TMEM269: variants seen among roughly 807,000 people sequenced by gnomAD.
TMEM269 encodes transmembrane protein 269.
A neutral mutation model predicts 15.8 loss-of-function variants in TMEM269; 12 were observed. The observed-to-expected ratio is 0.76, with a 90% CI of 0.49 to 1.23. The LOEUF (loss-of-function observed/expected upper bound fraction) is 1.23. Among genes scored for constraint, TMEM269 ranks in the 50% most tolerant of loss-of-function variants. The probability of loss-of-function intolerance (pLI) is 0.00; values close to 1 mark genes in which losing one functional copy is unlikely to be tolerated. For synonymous variants in TMEM269, 93 were observed against 99.3 expected (o/e 0.94, Z 0.38); for missense variants, 211 against 245.4 (o/e 0.86, Z 0.94).
chr1:42,794,372 A>G (rs1653753991), intron 4 of TMEM269, 41 bp from the exon 5 acceptor site: 1 of 1,473,570 alleles, frequency 6.8e-7, no homozygotes, highest in African/African-American at 1.4e-5. Flanking sequence ...GTATCTTTAG[A>G]GCAGAGGGAA....
At position 42,797,930 on chromosome 1, in the gene TMEM269, C is replaced by G; in HGVS notation, c.485-168C>G. 1 of 748,148 alleles carries G rather than the reference C, an allele frequency of 1.3e-6. No individual in the cohort carries two copies. The allele number at this position is 748,148 out of a possible 1,614,324, so 46.3% of individuals were successfully genotyped here. A position where few individuals can be genotyped will look rare whatever the true frequency, so the allele number is the denominator to read the frequency against. ...TATACTTCTCTAGTTACTTACCTAT[C>G]TCTATTAAACTGAACTTGAAGACAG... On this transcript the variant is annotated intron_variant, in intron 5 of 5. Coordinates refer to ENST00000637012, the MANE Select transcript of TMEM269 (RefSeq NM_001354602.2). The surrounding 1 kb of genome is among the most constrained non-coding windows in gnomAD (Gnocchi z 4.9).
At position 42,794,415 on chromosome 1, in the gene TMEM269, G is replaced by T; in HGVS notation, c.286G>T (p.Val96Phe). 1 of 1,550,186 alleles carries T rather than the reference G, an allele frequency of 6.5e-7. No homozygotes were observed. Among genetic ancestry groups the T allele is most frequent in the Non-Finnish European group, 8.7e-7 (1 of 1,146,726 alleles). The change falls in exon 5 of 6, where the codon GTC (valine) becomes TTC (phenylalanine). Residue 96 changes from valine (V) to phenylalanine (F), a missense_variant and splice_region_variant. By Grantham distance (50) the Val-to-Phe change is conservative. Coordinates refer to ENST00000637012, the MANE Select transcript of TMEM269 (RefSeq NM_001354602.2). ...ATCTCCAGCGTTCTTCCTGGCAGGA[G>T]TCCCCTCCACATACAAGGGTCTACC... ...SFHLCFYSPG[V>F]PSTYKGLPCP...
At chr1:42,793,559 G>A (rs564658292) in intron 3 of TMEM269, 42 bp from the exon 4 acceptor site, 22 of 1,529,090 alleles carry the variant, frequency 1.4e-5, no homozygotes, top group Admixed American at 2.1e-5. Context: ...GGTGCAAGAC[G>A]TGGGAGTATA....
chr1:42,789,290 T>G, intron 1 of TMEM269: 1 of 651,070 alleles, frequency 1.5e-6, no homozygotes, highest in South Asian at 1.8e-5. Context: ...GACTGGGGCC[T>G]GTCAGAACCA....
At chr1:42,792,592 G>A (rs1171024499) in intron 2 of TMEM269, among the ~76,000 whole-genome samples, 1 of 152,126 alleles carries the variant, frequency 6.6e-6, no homozygotes, top group Non-Finnish European at 1.5e-5. Flanking sequence ...GAGGGATGTA[G>A]GCATGTGTAT....
chr1:42,792,634 C>G (rs1653716795), intron 2 of TMEM269, among the ~76,000 whole-genome samples, 171 bp from the exon 3 acceptor site: 1 of 151,968 alleles, frequency 6.6e-6, no homozygotes. Context: ...CAGCATATAT[C>G]AGAAGGGATG....
In TMEM269 at chr1:42,798,230, G is replaced by A; in HGVS notation, c.*5G>A. On this transcript the variant is annotated 3_prime_UTR_variant, in exon 6 of 6. Transcript: ENST00000637012. Reference sequence around the variant, plus strand: ...TGTCTTTCGCCACAGCACTGAGGAAGCTAAGCAGCTCTACCAGCTCCTGCC... The same window carrying A: ...TGTCTTTCGCCACAGCACTGAGGAAACTAAGCAGCTCTACCAGCTCCTGCC... 6.5e-7 allele frequency: 1 copy of A among 1,544,752 alleles called. No individual in the cohort carries two copies.
intron 1 of TMEM269, among the ~76,000 whole-genome samples, chr1:42,787,510 G>C (rs373087925): frequency 6.7e-6 from 1 of 149,302 alleles, no homozygotes; most frequent in Admixed American, 6.8e-5. Flanking sequence ...TGAGGCAGGA[G>C]AATGGCGTGA....
At chr1:42,796,883 T>C (rs1208796742) in intron 5 of TMEM269, 3 of 152,144 alleles carry the variant, frequency 2.0e-5, no homozygotes, top group Non-Finnish European at 4.4e-5. Context: ...TACATGGTGA[T>C]CATTCCCATG....
Position 42,798,365 on chromosome 1 carries a change from A to G in TMEM269, c.*140A>G. On this transcript the variant is annotated 3_prime_UTR_variant, in exon 6 of 6. Coordinates refer to ENST00000637012, the MANE Select transcript of TMEM269 (RefSeq NM_001354602.2). ...ATGGTATGTCTGTTGCCATGAAGTT[A>G]GAAACCCAAAGCAGGGTCAGTGAAC... The G allele has an allele frequency of 8.9e-7, 1 of 1,122,698 alleles. No individual in the cohort carries two copies. Among genetic ancestry groups the G allele is most frequent in the Non-Finnish European group, 1.2e-6 (1 of 810,946 alleles). 69.5% of individuals were successfully genotyped at this position (1,122,698 alleles called of 1,614,324 possible). A position where few individuals can be genotyped will look rare whatever the true frequency, so the allele number is the denominator to read the frequency against.
chr1:42,789,765 G>A, intron 1 of TMEM269, 31 bp from the exon 2 acceptor site: 1 of 1,274,022 alleles, frequency 7.8e-7, no homozygotes, highest in Non-Finnish European at 1.1e-6. Flanking sequence ...TTAACCTTGG[G>A]AACCCTTCGC....
intron 1 of TMEM269, among the ~76,000 whole-genome samples, chr1:42,786,475 G>C (rs1239512249): frequency 6.6e-6 from 1 of 152,230 alleles, no homozygotes; most frequent in Non-Finnish European, 1.5e-5. Flanking sequence ...GGGAGGTTCT[G>C]AGAAGGGTGG....
rs1243981977 is a variant in TMEM269 at position 42,799,648 on chromosome 1, AATTG to A, written c.*1427_*1430del. 1 of 152,166 alleles carries A rather than the reference AATTG, an allele frequency of 6.6e-6. No homozygotes were observed. 9.4% of individuals were successfully genotyped at this position (152,166 alleles called of 1,614,324 possible). A position where few individuals can be genotyped will look rare whatever the true frequency, so the allele number is the denominator to read the frequency against. ...CTCAGAAATGTTCCCTTTGTATATGAATTGATTTAGTTGTGGATTCTAGTAAGTT... is the reference window on the plus strand; with the variant it reads ...CTCAGAAATGTTCCCTTTGTATATGAATTTAGTTGTGGATTCTAGTAAGTT... On this transcript the variant is annotated 3_prime_UTR_variant, in exon 6 of 6. Transcript: ENST00000637012.
chr1:42,792,922 C>A lies in TMEM269; in HGVS notation c.139+20C>A, dbSNP rs1653723572. 1 of 1,535,936 alleles carries A rather than the reference C, an allele frequency of 6.5e-7. No individual in the cohort carries two copies. The highest frequency in any genetic ancestry group is 2.0e-5 in the Admixed American group (1 of 50,954). On this transcript the variant is annotated intron_variant, in intron 3 of 5. Coordinates refer to ENST00000637012, the MANE Select transcript of TMEM269 (RefSeq NM_001354602.2). ...AATTGGGTGAGTTCAGGCCCCAGGC[C>A]CCTAATCCTTGCCCCCAGTAGCATC...
chr1:42,786,878 A>G (rs932756857), intron 1 of TMEM269, among the ~76,000 whole-genome samples: 5 of 152,062 alleles, frequency 3.3e-5, no homozygotes, highest in African/African-American at 1.2e-4. Context: ...ACATCCTTTC[A>G]CACCTGGGAC....
At chr1:42,795,841 T>C (rs1653783401) in intron 5 of TMEM269, among the ~76,000 whole-genome samples, 1 of 152,226 alleles carries the variant, frequency 6.6e-6, no homozygotes, top group Admixed American at 6.5e-5. Context: ...GTTTATAGGG[T>C]CTTCGGTTTC....
intron 5 of TMEM269, among the ~76,000 whole-genome samples, chr1:42,795,279 T>C (rs2124222331): frequency 6.6e-6 from 1 of 152,252 alleles, no homozygotes; most frequent in East Asian, 1.9e-4. Context: ...AGTGGAGCAA[T>C]GTGGCTGAAA....
chr1:42,794,562 T>C lies in TMEM269; in HGVS notation c.433T>C (p.Tyr145His), dbSNP rs1055380844. ...LFMMDQSYYPYDKILESENWK... is the reference protein window; with the variant it reads ...LFMMDQSYYPHDKILESENWK... ...CATGATGGACCAGAGCTACTATCCA[T>C]ATGACAAAATCCTGGAGTCTGAGAA... Residue 145 changes from tyrosine (Y) to histidine (H), a missense_variant, in exon 5 of 6, where the codon TAT becomes CAT. Transcript: ENST00000637012. 1.4e-4 allele frequency: 216 copies of C among 1,550,814 alleles called. No homozygotes were observed. Among genetic ancestry groups the C allele is most frequent in the Non-Finnish European group, 1.7e-4 (192 of 1,147,084 alleles).
rs187672822 is a variant in TMEM269 at position 42,793,980 on chromosome 1, C to T, written c.283+236C>T. On this transcript the variant is annotated intron_variant, in intron 4 of 5. Transcript: ENST00000637012. ...GAGCAGCTGTGCCTCTTTCTCAATG[C>T]GTGACCTGTGACCTTTGGATGGAGC... 9.8e-4 allele frequency among the ~76,000 whole-genome samples: 149 copies of T among 152,306 alleles called. 2 individuals are homozygous for T. The highest frequency in any genetic ancestry group is 9.1e-3 in the Admixed American group (140 of 15,306).
Sources: gnomAD v4.1 joint callset for allele counts (sites outside exome capture counted in the v4.1 genomes callset) on GRCh38, gnomAD v4.1.1 for gene constraint, Gnocchi (gnomAD v3.1) non-coding constraint, MANE v1.5 for transcripts, NCBI Gene and HGNC (gene_info 2026-07-23, HGNC 2026-07-21) for gene names.